The following MAP7D1 variants were observed in gnomAD, a reference collection of about 807,000 sequenced individuals.
MAP7D1 encodes the protein MAP7 domain-containing protein 1.
Under a neutral mutation model 97.5 loss-of-function variants are expected in MAP7D1, and 30 were observed. The observed-to-expected ratio is 0.31, with a 90% CI of 0.23 to 0.42. The LOEUF is 0.42. Among genes scored for constraint, MAP7D1 ranks in the 10% least tolerant of loss-of-function variants. MAP7D1 has a pLI of 1.00. For missense variants in MAP7D1, 1,184 were observed against 1,179.5 expected (o/e 1.00, Z -0.06); for synonymous variants, 536 against 477.1 (o/e 1.12, Z -1.61).
rs200195166 is a variant in MAP7D1 at position 36,174,920 on chromosome 1, G to C, written c.762G>C (p.Ser254=). The C allele has an allele frequency of 1.2e-6, 2 of 1,613,400 alleles. No homozygotes were observed. Among genetic ancestry groups the C allele is most frequent in the Non-Finnish European group, 1.7e-6 (2 of 1,179,558 alleles). The stretch of plus-strand genomic sequence containing the variant: ...CAGGTGGGAGCAGGTGCTCCGTGTC[G>C]GCAGTTAACCTGCCCAAACACGTGG... ...HKTSGSRCSV[S]AVNLPKHVDS... The change falls in exon 6 of 17, where the codon TCG becomes TCC. Residue 254 remains serine, a synonymous_variant. Coordinates refer to ENST00000474796, the MANE Select transcript of MAP7D1 (RefSeq NM_001388490.1).
intron 1 of MAP7D1, among the ~76,000 whole-genome samples, chr1:36,166,450 C>T (rs11263862): frequency 0.57 from 84,108 of 148,082 alleles, 25,142 homozygotes; most frequent in Non-Finnish European, 0.69. Context: ...AGTGCAGTGG[C>T]GCTATCTTGG....
At chr1:36,180,186 C>T in intron 16 of MAP7D1, 62 bp from the exon 17 acceptor site, 2 of 1,612,626 alleles carry the variant, frequency 1.2e-6, no homozygotes, top group Non-Finnish European at 8.5e-7. Flanking sequence ...CCCTGAAGAC[C>T]CCCAGCTATC....
At position 36,176,261 on chromosome 1, in the gene MAP7D1, C is replaced by T. The variant is rs778484622; in HGVS notation, c.913C>T (p.Leu305Phe). 4 of 1,607,870 alleles carry T rather than the reference C, an allele frequency of 2.5e-6. No homozygotes were observed. The highest frequency in any genetic ancestry group is 1.1e-5 in the South Asian group (1 of 90,692). Residue 305 changes from leucine to phenylalanine, a missense_variant, in exon 7 of 17, where the codon CTC (leucine) becomes TTC (phenylalanine). Leu to Phe is a conservative substitution (Grantham distance 22). Transcript: ENST00000474796. The surrounding 1 kb of genome is among the most constrained non-coding windows in gnomAD (Gnocchi z 6.1). ...SIVDRLMTPTLSFLARSRSAV... is the reference protein window; with the variant it reads ...SIVDRLMTPTFSFLARSRSAV... ...CGTGGATCGTCTGATGACGCCCACT[C>T]TCTCCTTCCTTGCTCGGAGTCGCAG...
Position 36,156,197 on chromosome 1 carries a change from G to C in MAP7D1, c.-221G>C, listed in dbSNP as rs1354553841. 4.7e-6 allele frequency: 2 copies of C among 425,210 alleles called. No individual in the cohort carries two copies. Among genetic ancestry groups the C allele is most frequent in the South Asian group, 5.9e-5 (1 of 16,842 alleles). The allele number at this position is 425,210 out of a possible 1,614,324, so 26.3% of individuals were successfully genotyped here. A position where few individuals can be genotyped will look rare whatever the true frequency, so the allele number is the denominator to read the frequency against. The stretch of plus-strand genomic sequence containing the variant: ...CCGGGACTGGGCCGGCGCCGGGCGG[G>C]GAACGGGTTCGCGACCGCAGCCGAG... On this transcript the variant is annotated 5_prime_UTR_variant, in exon 1 of 17. Coordinates refer to ENST00000474796, the MANE Select transcript of MAP7D1 (RefSeq NM_001388490.1).
Position 36,171,316 on chromosome 1 carries a change from G to A in MAP7D1, c.391+1G>A. 6.4e-7 allele frequency: 1 copy of A among 1,560,290 alleles called. No individual in the cohort carries two copies. The highest frequency in any genetic ancestry group is 8.7e-7 in the Non-Finnish European group (1 of 1,152,494). On this transcript the variant is annotated splice_donor_variant, in intron 2 of 16. Coordinates refer to ENST00000474796, the MANE Select transcript of MAP7D1 (RefSeq NM_001388490.1). LOFTEE classifies it high-confidence loss of function. The stretch of plus-strand genomic sequence containing the variant: ...TCCGACAGCCCTCCCACCAAGCAAG[G>A]TGTGTGTAATGACCCCGGCCTGGGC...
At chr1:36,179,606 T>G in intron 14 of MAP7D1, 49 bp downstream of exon 14, 1 of 1,551,900 alleles carries the variant, frequency 6.4e-7, no homozygotes, top group Non-Finnish European at 8.7e-7. Flanking sequence ...ATCCTCCTCC[T>G]CCTCCATCCT....
Position 36,180,374 on chromosome 1 carries a change from G to T in MAP7D1, c.*116G>T. The T allele has an allele frequency of 6.9e-7, 1 of 1,452,402 alleles. No homozygotes were observed. Among genetic ancestry groups the T allele is most frequent in the Non-Finnish European group, 9.7e-7 (1 of 1,033,944 alleles). 90.0% of individuals were successfully genotyped at this position (1,452,402 alleles called of 1,614,324 possible). A position where few individuals can be genotyped will look rare whatever the true frequency, so the allele number is the denominator to read the frequency against. ...GGAAGTGGCCTGGGCCCCTGGGGGT[G>T]GGTCCTCTCTGTTGTTTTTAATCTG... On this transcript the variant is annotated 3_prime_UTR_variant, in exon 17 of 17. Transcript: ENST00000474796.
At position 36,162,138 on chromosome 1, in the gene MAP7D1, C is replaced by G. The variant is rs901500618; in HGVS notation, c.46+5675C>G. Among the ~76,000 whole-genome samples, 20 of 152,292 alleles carry G rather than the reference C, an allele frequency of 1.3e-4. No individual in the cohort carries two copies. In the East Asian group the frequency reaches 2.1e-3, roughly 16 times the overall value. ...GTTCTGTCTTCTCTCGGCCTCGTGCCTCTGCCTCTCCCATGCTTCCTGCCT... is the reference window on the plus strand; with the variant it reads ...GTTCTGTCTTCTCTCGGCCTCGTGCGTCTGCCTCTCCCATGCTTCCTGCCT... On this transcript the variant is annotated intron_variant, in intron 1 of 16. Transcript: ENST00000474796.
chr1:36,158,993 G>C (rs186086611), intron 1 of MAP7D1, among the ~76,000 whole-genome samples: 22 of 152,262 alleles, frequency 1.4e-4, no homozygotes, highest in African/African-American at 4.6e-4. Context: ...ACTTAGACTA[G>C]GCCCTGGCAC....
At chr1:36,179,791 G>A (rs1644690589) in intron 15 of MAP7D1, 35 bp downstream of exon 15, 2 of 1,554,328 alleles carry the variant, frequency 1.3e-6, no homozygotes, top group Non-Finnish European at 8.7e-7. Flanking sequence ...CCTGAGCAGG[G>A]AGGCAGACTG....
rs1273130447 is a variant in MAP7D1, at chr1:36,179,000, AGCAAGAGCG to A, written c.2115_2123del (p.Gln706_Arg708del). The A allele has an allele frequency of 6.5e-7, 1 of 1,547,398 alleles. No homozygotes were observed. The highest frequency in any genetic ancestry group is 2.0e-5 in the Admixed American group (1 of 51,096). ...CGGGAAAAGCACTTCCAGCAGCAGG[AGCAAGAGCG>A]GCAAGAGCGCAGAAAGGTGTGCGGA... On this transcript the variant is annotated inframe_deletion, in exon 12 of 17. Transcript: ENST00000474796.
intron 6 of MAP7D1, among the ~76,000 whole-genome samples, chr1:36,175,445 C>T (rs1644605109): frequency 6.6e-6 from 1 of 152,200 alleles, no homozygotes; most frequent in Admixed American, 6.5e-5. Context: ...CCTAGAGGGC[C>T]CATGCAATCC....
intron 1 of MAP7D1, among the ~76,000 whole-genome samples, chr1:36,156,877 T>G (rs1010776822): frequency 1.1e-4 from 17 of 152,042 alleles, no homozygotes; most frequent in Non-Finnish European, 1.9e-4. Flanking sequence ...CCTGAGTGTG[T>G]CGGGGGTCCA....
chr1:36,175,919 A>G (rs990276914), intron 6 of MAP7D1, among the ~76,000 whole-genome samples: 2 of 152,176 alleles, frequency 1.3e-5, no homozygotes, highest in Admixed American at 1.3e-4. Flanking sequence ...GCTCCTTCCT[A>G]TATGCGCCGT....
rs770744260 is a variant in MAP7D1 at position 36,179,312 on chromosome 1, C to T, written c.2181C>T (p.Thr727=). The change falls in exon 13 of 17, where the codon ACC becomes ACT. Residue 727 remains threonine (T), a synonymous_variant. Transcript: ENST00000474796. ...CTCGGAAGTCAGAAGTTTCTGAAAC[C>T]AAGGTCAGAATTCCCCCGAAGGGCA... is the stretch of plus-strand genomic sequence containing the variant. The part of the protein sequence containing the change: ...KRTRKSEVSE[T]KKQDSKEANA... The T allele has an allele frequency of 4.3e-6, 7 of 1,613,994 alleles. No individual in the cohort carries two copies. Among genetic ancestry groups the T allele is most frequent in the East Asian group, 2.2e-5 (1 of 44,860 alleles).
chr1:36,156,576 C>A, intron 1 of MAP7D1, 113 bp downstream of exon 1: 1 of 838,774 alleles, frequency 1.2e-6, no homozygotes, highest in Non-Finnish European at 1.7e-6. Flanking sequence ...CGCCCTCTGA[C>A]CACTTGGAAG....
In MAP7D1 at chr1:36,177,886, G is replaced by A. The variant is rs539606561; in HGVS notation, c.1393G>A (p.Ala465Thr). The change falls in exon 9 of 17, where the codon GCC becomes ACC. Residue 465 changes from alanine (A) to threonine (T), a missense_variant. Coordinates refer to ENST00000474796, the MANE Select transcript of MAP7D1 (RefSeq NM_001388490.1). ...TASELSPKSK[A>T]RPSSPSTSWH... ...CTTTTCTCTTAGCCCCAAATCCAAG[G>A]CCAGGCCATCCTCTCCCTCCACATC... 4.6e-6 allele frequency: 7 copies of A among 1,535,394 alleles called. No individual in the cohort carries two copies. In the Admixed American group the frequency reaches 1.5e-4, roughly 32 times the overall value.
At chr1:36,161,844 G>T (rs4653163) in intron 1 of MAP7D1, among the ~76,000 whole-genome samples, 6,058 of 151,620 alleles carry the variant, frequency 0.04, 222 homozygotes, top group East Asian at 0.15. Flanking sequence ...TTGAATCCCA[G>T]TAAGTCTGTT....
chr1:36,179,050 G>T (rs1230833399), intron 12 of MAP7D1, 25 bp downstream of exon 12: 14 of 1,545,348 alleles, frequency 9.1e-6, no homozygotes, highest in South Asian at 1.2e-5. Flanking sequence ...GCGGGGATTT[G>T]TGGGCGGGGC....
Sources: allele counts gnomAD v4.1 joint callset (sites outside exome capture counted in the v4.1 genomes callset), GRCh38; gene constraint gnomAD v4.1.1; non-coding constraint Gnocchi (gnomAD v3.1); transcripts MANE v1.5; gene names NCBI Gene and HGNC (gene_info 2026-07-23, HGNC 2026-07-21).